The following IMMP2L variants were observed in gnomAD, a reference collection of about 807,000 sequenced individuals.
The protein encoded by IMMP2L is inner mitochondrial membrane peptidase subunit 2, also known as mitochondrial inner membrane protease subunit 2.
A neutral mutation model predicts 19.3 loss-of-function variants in IMMP2L; 18 were observed. That is an observed-to-expected ratio of 0.93 (90% confidence interval 0.64 to 1.38). IMMP2L has a LOEUF of 1.38. Ranked by LOEUF, IMMP2L falls within the 40% of genes most tolerant of loss-of-function variation. The pLI, the probability that IMMP2L is intolerant of heterozygous loss-of-function variation, is 0.00. For missense variants in IMMP2L, 233 were observed against 218.2 expected, an observed-to-expected ratio of 1.07 and a Z score of -0.43; for synonymous variants, 76 against 73.0, an observed-to-expected ratio of 1.04 and a Z score of -0.21.
chr7:110,950,843 T>TAA (rs1817729194), intron 4 of IMMP2L, among the ~76,000 whole-genome samples: 3 of 113,424 alleles, frequency 2.6e-5, no homozygotes, highest in African/African-American at 1.3e-4. Flanking sequence ...AAATGTGGCA[T>TAA]ATATATATAT....
chr7:110,677,029 C>G (rs1792352796), intron 5 of IMMP2L, among the ~76,000 whole-genome samples: 1 of 152,180 alleles, frequency 6.6e-6, no homozygotes, highest in Non-Finnish European at 1.5e-5. Context: ...TACAGAGACA[C>G]TGCTTTCCTG....
In IMMP2L at chr7:110,951,714, C is replaced by T. The variant is rs1291003215; in HGVS notation, c.305+11786G>A. 2.0e-5 allele frequency among the ~76,000 whole-genome samples: 3 copies of T among 152,170 alleles called. No homozygotes were observed. The East Asian group carries it at 5.8e-4, about 29-fold the overall frequency. On this transcript the variant is annotated intron_variant, in intron 4 of 5. Coordinates refer to ENST00000405709, the MANE Select transcript of IMMP2L (RefSeq NM_032549.4). ...ATGGAACACAGCAGGGACTGAACTT[C>T]CTATTGCCTTACTCCAAGCATAATA...
intron 4 of IMMP2L, among the ~76,000 whole-genome samples, chr7:110,913,699 A>G (rs1032560323): frequency 2.0e-5 from 3 of 152,174 alleles, no homozygotes. Flanking sequence ...TTGGTCTCTG[A>G]AGATCTGAGG....
intron 3 of IMMP2L, among the ~76,000 whole-genome samples, chr7:111,237,917 A>G (rs1814528849): frequency 6.6e-6 from 1 of 152,084 alleles, no homozygotes; most frequent in South Asian, 2.1e-4. Context: ...AATGGTATCT[A>G]TCCAATAAAG....
chr7:111,144,259 T>C (rs563963271), intron 3 of IMMP2L, among the ~76,000 whole-genome samples: 1 of 152,148 alleles, frequency 6.6e-6, no homozygotes, highest in Non-Finnish European at 1.5e-5. Context: ...ATACACAATA[T>C]GGCCACATTC....
Position 110,963,507 on chromosome 7 carries a change from T to C in IMMP2L, c.298A>G (p.Ile100Val). The C allele has an allele frequency of 6.3e-7, 1 of 1,596,310 alleles. No individual in the cohort carries two copies. Among genetic ancestry groups the C allele is most frequent in the Non-Finnish European group, 8.6e-7 (1 of 1,166,584 alleles). The stretch of plus-strand genomic sequence containing the variant: ...ACAACAGTAAATACTTACCTGACAA[T>C]ATCTCCTTCAAGAGCAATCACTCTC... The part of the protein sequence containing the change: ...IKRVIALEGD[I>V]VRTIGHKNRY... Residue 100 changes from isoleucine to valine, a missense_variant, in exon 4 of 6, where the codon ATT becomes GTT. Ile to Val is a conservative substitution (Grantham distance 29, BLOSUM62 3). Transcript: ENST00000405709.
intron 3 of IMMP2L, chr7:111,125,026 G>T: frequency 1.4e-6 from 1 of 726,760 alleles, no homozygotes; most frequent in African/African-American, 1.8e-5. Context: ...TTTCGAGAGA[G>T]AAGTTTAAGC....
intron 5 of IMMP2L, among the ~76,000 whole-genome samples, chr7:110,814,053 A>G (rs1399532115): frequency 2.0e-5 from 3 of 152,034 alleles, no homozygotes. Context: ...AATGAAACAG[A>G]GAACACTCTT....
chr7:111,364,797 C>T (rs1190818774), intron 3 of IMMP2L, among the ~76,000 whole-genome samples: 1 of 151,542 alleles, frequency 6.6e-6, no homozygotes, highest in African/African-American at 2.4e-5. Context: ...ATGGTGAAAC[C>T]CCACCTCTAT....
chr7:111,142,654 G>A (rs1803058642), intron 3 of IMMP2L, among the ~76,000 whole-genome samples: 1 of 152,108 alleles, frequency 6.6e-6, no homozygotes, highest in Non-Finnish European at 1.5e-5. Context: ...AACAGAGACT[G>A]AGAAATTGGG....
chr7:111,027,623 C>T (rs1168302516), intron 3 of IMMP2L, among the ~76,000 whole-genome samples: 3 of 151,884 alleles, frequency 2.0e-5, no homozygotes, highest in Non-Finnish European at 2.9e-5. Context: ...GGTAGAAATG[C>T]TCTTGGTCTA....
intron 3 of IMMP2L, among the ~76,000 whole-genome samples, chr7:111,394,378 A>T (rs1832676047): frequency 6.6e-6 from 1 of 152,164 alleles, no homozygotes; most frequent in African/African-American, 2.4e-5. Flanking sequence ...CAACATCATC[A>T]TCATTTCTAA....
intron 3 of IMMP2L, among the ~76,000 whole-genome samples, chr7:111,071,786 C>T (rs1054443314): frequency 6.6e-6 from 1 of 151,914 alleles, no homozygotes; most frequent in Non-Finnish European, 1.5e-5. Flanking sequence ...GTGGTGAAAA[C>T]ACTTTGTAAC....
chr7:111,222,827 A>G (rs1031429376), intron 3 of IMMP2L, among the ~76,000 whole-genome samples: 5 of 152,070 alleles, frequency 3.3e-5, no homozygotes, highest in Admixed American at 6.6e-5. Flanking sequence ...ACTTCTAGTT[A>G]TATGCCCTAA....
chr7:111,468,279 T>C (rs754797687), intron 3 of IMMP2L, among the ~76,000 whole-genome samples: 20 of 152,154 alleles, frequency 1.3e-4, no homozygotes, highest in Non-Finnish European at 1.8e-4. Flanking sequence ...CTGGATGTTA[T>C]TAACCCTTGC....
rs34223033 is a variant in IMMP2L, at chr7:111,072,901, C to CAAAAA, written c.240-109341_240-109337dup. ...CTGGGTGACAGAGCAAGACTGTCTC[C>CAAAAA]AAAAAAAAAAAAAAAAAGGAGTCTA... On this transcript the variant is annotated intron_variant, in intron 3 of 5. Transcript: ENST00000405709. Among the ~76,000 whole-genome samples, 14 of 72,906 alleles carry CAAAAA rather than the reference C, an allele frequency of 1.9e-4. No homozygotes were observed. In the South Asian group the frequency reaches 3.1e-3, roughly 16 times the overall value. 47.8% of individuals were successfully genotyped at this position (72,906 alleles called of 152,430 possible).
At position 111,302,481 on chromosome 7, in the gene IMMP2L, G is replaced by A. The variant is rs191225604; in HGVS notation, c.239+184757C>T. On this transcript the variant is annotated intron_variant, in intron 3 of 5. Transcript: ENST00000405709. ...AAAAACACATCTATACATAGCACTT[G>A]TCTAAAAGCTCTTTCGATAACTCTG... Among the ~76,000 whole-genome samples the A allele has an allele frequency of 1.0e-3, 159 of 152,220 alleles. 1 individual carries two copies. Among genetic ancestry groups the A allele is most frequent in the African/African-American group, 3.6e-3 (149 of 41,546 alleles).
intron 3 of IMMP2L, among the ~76,000 whole-genome samples, chr7:111,222,400 G>A (rs906030784): frequency 1.3e-5 from 2 of 151,472 alleles, no homozygotes; most frequent in Admixed American, 6.6e-5. Flanking sequence ...AGCCACAGAC[G>A]AGATATTTTC....
At chr7:111,077,835 C>T (rs10277196) in intron 3 of IMMP2L, among the ~76,000 whole-genome samples, 9 of 152,178 alleles carry the variant, frequency 5.9e-5, no homozygotes, top group African/African-American at 1.9e-4. Context: ...TTGTTCATTA[C>T]TCATGCACAC....
Sources: gnomAD v4.1 joint callset for allele counts (sites outside exome capture counted in the v4.1 genomes callset) on GRCh38, gnomAD v4.1.1 for gene constraint, MANE v1.5 for transcripts, NCBI Gene and HGNC (gene_info 2026-07-23, HGNC 2026-07-21) for gene names.